The following RABGAP1L variants were observed in gnomAD, a reference collection of about 807,000 sequenced individuals.
RABGAP1L encodes rab GTPase-activating protein 1-like.
In RABGAP1L, 63 loss-of-function variants were observed where a neutral mutation model predicts 137.7. The ratio of observed to expected loss-of-function variants is 0.46; its 90% CI spans 0.37 to 0.56. The LOEUF is 0.56. Among genes scored for constraint, RABGAP1L ranks in the 20% least tolerant of loss-of-function variants. The pLI, the probability that RABGAP1L is intolerant of heterozygous loss-of-function variation, is 0.00. For synonymous variants in RABGAP1L, 431 were observed against 433.7 expected, an observed-to-expected ratio of 0.99 and a Z score of 0.08; for missense variants, 1,095 against 1,244.0, an observed-to-expected ratio of 0.88 and a Z score of 1.80.
At chr1:174,544,281 G>A (rs546488939) in intron 13 of RABGAP1L, among the ~76,000 whole-genome samples, 8 of 152,128 alleles carry the variant, frequency 5.3e-5, no homozygotes, top group Middle Eastern at 6.8e-3. Context: ...TTTCTTGGAG[G>A]CTTTGTTCAT....
intron 17 of RABGAP1L, among the ~76,000 whole-genome samples, chr1:174,711,014 C>A (rs1680450603): frequency 6.6e-6 from 1 of 152,168 alleles, no homozygotes; most frequent in Non-Finnish European, 1.5e-5. Context: ...CCCTGCCCCA[C>A]AGGGAGGCAG....
chr1:174,479,890 C>G (rs971688871), intron 13 of RABGAP1L, among the ~76,000 whole-genome samples: 2 of 151,894 alleles, frequency 1.3e-5, no homozygotes, highest in South Asian at 2.1e-4. Flanking sequence ...GATATTTACT[C>G]TCTCTCTCTC....
chr1:174,818,082 C>T (rs1422561196), intron 19 of RABGAP1L, among the ~76,000 whole-genome samples: 1 of 152,136 alleles, frequency 6.6e-6, no homozygotes, highest in Non-Finnish European at 1.5e-5. Flanking sequence ...ATCCAATAGG[C>T]AGGTGGATAC....
At chr1:174,514,286 C>T (rs1032648403) in intron 13 of RABGAP1L, among the ~76,000 whole-genome samples, 2 of 139,868 alleles carry the variant, frequency 1.4e-5, no homozygotes, top group Non-Finnish European at 3.0e-5. Context: ...GAGGGATCTT[C>T]GTGTTGGTAG....
At chr1:174,770,236 T>G (rs1239495426) in intron 18 of RABGAP1L, among the ~76,000 whole-genome samples, 1 of 152,216 alleles carries the variant, frequency 6.6e-6, no homozygotes, top group Non-Finnish European at 1.5e-5. Context: ...TAGTGCATCT[T>G]CAGTTTGATG....
chr1:174,290,634 A>G (rs1676505208), intron 10 of RABGAP1L, among the ~76,000 whole-genome samples: 1 of 152,060 alleles, frequency 6.6e-6, no homozygotes, highest in Non-Finnish European at 1.5e-5. Context: ...TGTTTTTGAT[A>G]TTACTATAAA....
intron 13 of RABGAP1L, among the ~76,000 whole-genome samples, chr1:174,489,208 CA>C (rs1455167654): frequency 6.6e-6 from 1 of 151,970 alleles, no homozygotes; most frequent in African/African-American, 2.4e-5. Flanking sequence ...AGCTTCTGCA[CA>C]ATAAAAGAAG....
chr1:174,278,809 G>C lies in RABGAP1L; in HGVS notation c.1323+30G>C, dbSNP rs200058111. 14 of 1,388,426 alleles carry C rather than the reference G, an allele frequency of 1.0e-5. No homozygotes were observed. The African/African-American group carries it at 2.1e-4, about 21-fold the overall frequency. 86.0% of individuals were successfully genotyped at this position (1,388,426 alleles called of 1,614,324 possible). On this transcript the variant is annotated intron_variant, in intron 10 of 25. Transcript: ENST00000681986. ...GACCTTTTTGTTCTCTTCATATATAGTAACAAACATTTTTCTTTCCACACT... is the reference window on the plus strand; with the variant it reads ...GACCTTTTTGTTCTCTTCATATATACTAACAAACATTTTTCTTTCCACACT...
chr1:174,743,137 C>G (rs1307267776), intron 17 of RABGAP1L, among the ~76,000 whole-genome samples: 5 of 152,148 alleles, frequency 3.3e-5, no homozygotes, highest in Non-Finnish European at 5.9e-5. Context: ...GAGATGGGAG[C>G]TCAGTCTCAA....
intron 13 of RABGAP1L, among the ~76,000 whole-genome samples, chr1:174,465,734 A>G (rs767535021): frequency 6.6e-6 from 1 of 152,242 alleles, no homozygotes; most frequent in Non-Finnish European, 1.5e-5. Context: ...CAGCTTCTCC[A>G]TGAACTTTGG....
At chr1:174,668,170 T>C (rs115517778) in intron 14 of RABGAP1L, among the ~76,000 whole-genome samples, 73 of 152,344 alleles carry the variant, frequency 4.8e-4, no homozygotes, top group African/African-American at 1.8e-3. Flanking sequence ...TGCCATTAAT[T>C]GTAGGCATCA....
intron 17 of RABGAP1L, among the ~76,000 whole-genome samples, chr1:174,715,537 C>T (rs1680925575): frequency 6.6e-6 from 1 of 152,204 alleles, no homozygotes; most frequent in African/African-American, 2.4e-5. Context: ...ATTTACATAC[C>T]TTGTCACACT....
chr1:174,976,277 C>A, intron 22 of RABGAP1L, 95 bp downstream of exon 22: 2 of 1,057,970 alleles, frequency 1.9e-6, no homozygotes, highest in Non-Finnish European at 2.8e-6. Context: ...TCTTCTAAAT[C>A]AAAGGTGATG....
At chr1:174,941,993 A>C (rs1270909183) in intron 19 of RABGAP1L, among the ~76,000 whole-genome samples, 2 of 152,242 alleles carry the variant, frequency 1.3e-5, no homozygotes, top group Non-Finnish European at 2.9e-5. Context: ...TATTTATTAT[A>C]ATGAGCACAT....
At chr1:174,635,064 TAAA>T (rs201569900) in intron 13 of RABGAP1L, among the ~76,000 whole-genome samples, 2 of 150,544 alleles carry the variant, frequency 1.3e-5, no homozygotes, top group African/African-American at 4.9e-5. Context: ...AATAAAAAAA[TAAA>T]AAAAGAAAAA....
At chr1:174,779,253 T>C (rs760565305) in intron 18 of RABGAP1L, among the ~76,000 whole-genome samples, 3 of 152,216 alleles carry the variant, frequency 2.0e-5, no homozygotes, top group Non-Finnish European at 4.4e-5. Context: ...CTAGCCCTTA[T>C]GTTGTGGCTT....
chr1:174,720,290 T>TAGATGGATAGAC (rs368112419), intron 17 of RABGAP1L, among the ~76,000 whole-genome samples: 1 of 141,678 alleles, frequency 7.1e-6, no homozygotes, highest in Non-Finnish European at 1.5e-5. Context: ...GATAGATAGA[T>TAGATGGATAGAC]AGACAGACAG....
intron 19 of RABGAP1L, among the ~76,000 whole-genome samples, chr1:174,930,770 A>G (rs186727431): frequency 6.6e-6 from 1 of 152,348 alleles, no homozygotes; most frequent in Admixed American, 6.5e-5. Flanking sequence ...AGTATTAGGT[A>G]AAAATTTCAG....
rs777347245 is a variant in RABGAP1L, at chr1:174,371,056, G to A, written c.1543G>A (p.Glu515Lys). 6.7e-7 allele frequency: 1 copy of A among 1,494,048 alleles called. No individual in the cohort carries two copies. The highest frequency in any genetic ancestry group is 1.7e-5 in the Admixed American group (1 of 59,046). The allele number at this position is 1,494,048 out of a possible 1,614,324, so 92.5% of individuals were successfully genotyped here. ...CPEKILYSWG[E>K]LLGKWHSNLG... ...TGAGAAGATCCTGTATTCTTGGGGA[G>A]AGTTGCTAGGAAAATGGTAAAATTT... is the stretch of plus-strand genomic sequence containing the variant. The change falls in exon 12 of 26, where the codon GAG (glutamate) becomes AAG (lysine). Residue 515 changes from glutamate to lysine, a missense_variant. Glu to Lys is a moderately conservative substitution (Grantham distance 56). Coordinates refer to ENST00000681986, the MANE Select transcript of RABGAP1L (RefSeq NM_001366446.1).
Sources: gnomAD v4.1 joint callset for allele counts (sites outside exome capture counted in the v4.1 genomes callset) on GRCh38, gnomAD v4.1.1 for gene constraint, MANE v1.5 for transcripts, NCBI Gene and HGNC (gene_info 2026-07-23, HGNC 2026-07-21) for gene names.